The following COL4A1 variants were observed in gnomAD, a reference collection of about 807,000 sequenced individuals.
COL4A1 encodes the protein collagen alpha-1(IV) chain.
Under a neutral mutation model 216.6 loss-of-function variants are expected in COL4A1, and 40 were observed. The ratio of observed to expected loss-of-function variants is 0.18; its 90% CI spans 0.14 to 0.24. The LOEUF (loss-of-function observed/expected upper bound fraction) is 0.24, where lower values mean the gene tolerates loss of function less well. Among genes scored for constraint, COL4A1 ranks in the 10% least tolerant of loss-of-function variants. The probability of loss-of-function intolerance (pLI) is 1.00; values close to 1 mark genes in which losing one functional copy is unlikely to be tolerated. For missense variants in COL4A1, 1,628 were observed against 2,196.8 expected (o/e 0.74, Z 5.18); for synonymous variants, 839 against 810.7 (o/e 1.03, Z -0.59).
At chr13:110,208,515 T>C (rs1338166520) in intron 12 of COL4A1, among the ~76,000 whole-genome samples, 1 of 152,202 alleles carries the variant, frequency 6.6e-6, no homozygotes, top group Non-Finnish European at 1.5e-5. Flanking sequence ...ACTCATCTAA[T>C]GGTCAAGTCC....
intron 49 of COL4A1, among the ~76,000 whole-genome samples, chr13:110,158,470 A>T (rs1467767271): frequency 6.6e-6 from 1 of 152,220 alleles, no homozygotes; most frequent in Non-Finnish European, 1.5e-5. Context: ...AGCCTGGGGC[A>T]GCTGGGCAGG....
At chr13:110,159,259 A>C (rs1254119675) in intron 49 of COL4A1, among the ~76,000 whole-genome samples, 1 of 3,448 alleles carries the variant, frequency 2.9e-4, no homozygotes, top group African/African-American at 3.1e-4. Flanking sequence ...AGGGAGCAAA[A>C]ACTGGTGGAA....
At chr13:110,198,710 G>A in intron 20 of COL4A1, 79 bp from the exon 21 acceptor site, 1 of 1,583,232 alleles carries the variant, frequency 6.3e-7, no homozygotes, top group Non-Finnish European at 8.7e-7. Flanking sequence ...TCCTAACTCT[G>A]TTCAAGGTAA....
At chr13:110,250,124 AAAC>A (rs1882006591) in intron 1 of COL4A1, among the ~76,000 whole-genome samples, 1 of 152,118 alleles carries the variant, frequency 6.6e-6, no homozygotes, top group Admixed American at 6.5e-5. Flanking sequence ...CATAGAAACA[AAAC>A]AGTCCCTACT....
chr13:110,177,847 T>G lies in COL4A1; in HGVS notation c.2711A>C (p.Glu904Ala). The change falls in exon 33 of 52, where the codon GAA becomes GCA. Residue 904 changes from glutamate (E) to alanine (A), a missense_variant. This residue lies in a region of COL4A1 where 701 missense variants were observed against 892.5 expected (regional missense o/e 0.79). Transcript: ENST00000375820. ...GPVGAPGLPG[E>A]KGDHGFPGSS... ...AGGGTTATCAGCTCCCCTACCTTTT[T>G]CACCCGGTAATCCAGGAGCACCCAC... 1 of 1,614,110 alleles carries G rather than the reference T, an allele frequency of 6.2e-7. No individual in the cohort carries two copies.
intron 24 of COL4A1, among the ~76,000 whole-genome samples, chr13:110,188,391 C>T (rs1878492043): frequency 1.3e-5 from 2 of 152,226 alleles, no homozygotes; most frequent in African/African-American, 4.8e-5. Context: ...CCAACATTTG[C>T]CCAATCTTTA....
At chr13:110,294,796 T>C (rs1884205680) in intron 1 of COL4A1, among the ~76,000 whole-genome samples, 2 of 152,260 alleles carry the variant, frequency 1.3e-5, no homozygotes, top group Non-Finnish European at 2.9e-5. Context: ...TGCTTCTCTG[T>C]ATTCATCCCA....
rs1456151966 is a variant in COL4A1, at chr13:110,160,161, G to GCA, written c.4640+1030_4640+1031insTG. On this transcript the variant is annotated intron_variant, in intron 49 of 51. Coordinates refer to ENST00000375820, the MANE Select transcript of COL4A1 (RefSeq NM_001845.6). ...ATAACTTTTAAAAAAATTCATAGGG[G>GCA]GCCGGGCGCGGTGGCTCACGCCTGT... is the stretch of plus-strand genomic sequence containing the variant. 1.6e-3 allele frequency among the ~76,000 whole-genome samples: 240 copies of GCA among 149,574 alleles called. 6 individuals carry two copies. Among genetic ancestry groups the GCA allele is most frequent in the Middle Eastern group, 3.4e-3 (1 of 290 alleles).
chr13:110,303,175 G>C (rs928052945), intron 1 of COL4A1, among the ~76,000 whole-genome samples: 1 of 152,058 alleles, frequency 6.6e-6, no homozygotes, highest in African/African-American at 2.4e-5. Flanking sequence ...GAATAATGTA[G>C]GGTTTTGTGA....
Position 110,162,382 on chromosome 13 carries a change from G to C in COL4A1, c.4310C>G (p.Pro1437Arg), listed in dbSNP as rs1877126938. 6.2e-7 allele frequency: 1 copy of C among 1,614,016 alleles called. No homozygotes were observed. The highest frequency in any genetic ancestry group is 1.3e-5 in the African/African-American group (1 of 74,932). ...PDGLPGSMGPPGTPSVDHGFL... is the reference protein window; with the variant it reads ...PDGLPGSMGPRGTPSVDHGFL... ...GCCGTGATCAACAGATGGGGTGCCT[G>C]GGGGCCCCATGGATCCTGGCAACCC... Residue 1437 changes from proline to arginine, a missense_variant, in exon 48 of 52, where the codon CCA becomes CGA. Pro to Arg is a moderately radical substitution (Grantham distance 103). Around this residue, in one of 8 missense-constraint regions of COL4A1, gnomAD observed 23 missense variants for 55.3 expected, o/e 0.42. Coordinates refer to ENST00000375820, the MANE Select transcript of COL4A1 (RefSeq NM_001845.6).
rs1278539368 is a variant in COL4A1, at chr13:110,219,827, T to C, written c.145-5812A>G. 2.8e-3 allele frequency among the ~76,000 whole-genome samples: 307 copies of C among 108,898 alleles called. 4 individuals carry two copies. The highest frequency in any genetic ancestry group is 0.011 in the African/African-American group (292 of 27,176). The allele number at this position is 108,898 out of a possible 152,430, so 71.4% of individuals were successfully genotyped here. ...ATATATGTGTATATATGTATATATA[T>C]GTATGTATGTATATATGTGTATATA... is the stretch of plus-strand genomic sequence containing the variant. On this transcript the variant is annotated intron_variant, in intron 2 of 51. Transcript: ENST00000375820.
At chr13:110,233,600 G>A (rs1009855339) in intron 2 of COL4A1, among the ~76,000 whole-genome samples, 1 of 152,138 alleles carries the variant, frequency 6.6e-6, no homozygotes, top group Non-Finnish European at 1.5e-5. Flanking sequence ...AAAAGCTGTT[G>A]GCAACAAAAA....
At chr13:110,283,410 G>A (rs962451027) in intron 1 of COL4A1, among the ~76,000 whole-genome samples, 1 of 152,216 alleles carries the variant, frequency 6.6e-6, no homozygotes, top group Non-Finnish European at 1.5e-5. Flanking sequence ...ATGAGAATGT[G>A]AGCCGTGCCC....
chr13:110,203,044 C>T (rs565396627), intron 18 of COL4A1, among the ~76,000 whole-genome samples: 2 of 152,222 alleles, frequency 1.3e-5, no homozygotes, highest in African/African-American at 4.8e-5. Flanking sequence ...CAGGCCCTGT[C>T]TCTACTAAAA....
chr13:110,234,214 G>C (rs1881195275), intron 2 of COL4A1, among the ~76,000 whole-genome samples: 1 of 152,174 alleles, frequency 6.6e-6, no homozygotes, highest in South Asian at 2.1e-4. Context: ...GGGTAGATGG[G>C]GGAACTTACA....
intron 1 of COL4A1, chr13:110,306,073 G>A (rs1033267909): frequency 1.3e-5 from 2 of 152,184 alleles, no homozygotes; most frequent in African/African-American, 4.8e-5. Context: ...TATTCTCTCG[G>A]AGGGGAAGGA....
intron 1 of COL4A1, chr13:110,298,743 C>A (rs1481919975): frequency 6.6e-6 from 1 of 152,284 alleles, no homozygotes; most frequent in African/African-American, 2.4e-5. Context: ...CCAGCGCCCG[C>A]TGACTGGCTC....
rs1389972076 is a variant in COL4A1, at chr13:110,237,781, T to C, written c.144+4894A>G. On this transcript the variant is annotated intron_variant, in intron 2 of 51. Transcript: ENST00000375820. ...GTTGAGATGCAGAGAGACAGGTTTATACAAAGGTGTGACATGGACATACAC... is the reference window on the plus strand; with the variant it reads ...GTTGAGATGCAGAGAGACAGGTTTACACAAAGGTGTGACATGGACATACAC... 2.0e-5 allele frequency among the ~76,000 whole-genome samples: 3 copies of C among 152,232 alleles called. No homozygotes were observed. In the East Asian group the frequency reaches 5.8e-4, roughly 29 times the overall value.
rs1402015581 is a variant in COL4A1 at position 110,214,092 on chromosome 13, G to C, written c.145-77C>G. ...AAGGAATTGGTGACCAACTGTGATG[G>C]CTATATATATATTTTTTTTGAGATG... On this transcript the variant is annotated intron_variant, in intron 2 of 51. Coordinates refer to ENST00000375820, the MANE Select transcript of COL4A1 (RefSeq NM_001845.6). 5 of 1,137,792 alleles carry C rather than the reference G, an allele frequency of 4.4e-6. No individual in the cohort carries two copies. In the East Asian group the frequency reaches 1.2e-4, roughly 27 times the overall value. 70.5% of individuals were successfully genotyped at this position (1,137,792 alleles called of 1,614,324 possible).
Sources: allele counts gnomAD v4.1 joint callset (sites outside exome capture counted in the v4.1 genomes callset), GRCh38; gene constraint gnomAD v4.1.1; regional missense constraint gnomAD v4.1.1; transcripts MANE v1.5; gene names NCBI Gene and HGNC (gene_info 2026-07-23, HGNC 2026-07-21).